The following TMCC1 variants were observed in gnomAD, a reference collection of about 807,000 sequenced individuals.
The protein encoded by TMCC1 is transmembrane and coiled-coil domains protein 1.
A neutral mutation model predicts 52.4 loss-of-function variants in TMCC1; 15 were observed. That is an observed-to-expected ratio of 0.29 (90% confidence interval 0.19 to 0.44). The LOEUF is 0.44. TMCC1 is among the 20% of genes least tolerant of loss of function. TMCC1 has a pLI of 1.00. For missense variants in TMCC1, 503 were observed against 806.0 expected, an observed-to-expected ratio of 0.62 and a Z score of 4.55; for synonymous variants, 279 against 301.9, an observed-to-expected ratio of 0.92 and a Z score of 0.79.
chr3:129,726,890 A>AAAAAAAAAAAAAAAAAAAAAC (rs2050142835), intron 4 of TMCC1, among the ~76,000 whole-genome samples: 1 of 143,306 alleles, frequency 7.0e-6, no homozygotes, highest in Non-Finnish European at 1.5e-5. Context: ...AAAAAAAAAA[A>AAAAAAAAAAAAAAAAAAAAAC]AAAAAAAAGA....
intron 4 of TMCC1, among the ~76,000 whole-genome samples, chr3:129,770,251 C>T (rs889909440): frequency 3.3e-5 from 5 of 152,182 alleles, no homozygotes; most frequent in African/African-American, 1.2e-4. Context: ...TGCAGTGGCT[C>T]ACACCTGTAA....
At chr3:129,850,138 T>C (rs150843579) in intron 2 of TMCC1, among the ~76,000 whole-genome samples, 94 of 152,286 alleles carry the variant, frequency 6.2e-4, no homozygotes, top group Non-Finnish European at 1.1e-3. Context: ...TCAATTCATG[T>C]TCTTCTACTT....
rs373722311 is a variant in TMCC1 at position 129,710,243 on chromosome 3, G to C, written c.577-38979C>G. 4.6e-5 allele frequency among the ~76,000 whole-genome samples: 7 copies of C among 152,222 alleles called. No homozygotes were observed. The East Asian group carries it at 1.4e-3, about 29-fold the overall frequency. Reference sequence around the variant, plus strand: ...AACTGTGTAAGTACTAAAAAGATCTGCTTCCAGGTTAAAGGTCTCTGCTTT... The same window carrying C: ...AACTGTGTAAGTACTAAAAAGATCTCCTTCCAGGTTAAAGGTCTCTGCTTT... On this transcript the variant is annotated intron_variant, in intron 4 of 6. Transcript: ENST00000393238.
At position 129,828,810 on chromosome 3, in the gene TMCC1, T is replaced by C. The variant is rs1288130622; in HGVS notation, c.-130-302A>G. Among the ~76,000 whole-genome samples, 1 of 152,232 alleles carries C rather than the reference T, an allele frequency of 6.6e-6. No homozygotes were observed. Among genetic ancestry groups the C allele is most frequent in the Non-Finnish European group, 1.5e-5 (1 of 68,038 alleles). On this transcript the variant is annotated intron_variant, in intron 3 of 6. Coordinates refer to ENST00000393238, the MANE Select transcript of TMCC1 (RefSeq NM_001017395.5). The surrounding 1 kb of genome is among the most constrained non-coding windows in gnomAD (Gnocchi z 4.1). ...AGAATTAGATATTAGAGGAGCCATCTTGGAATGGACACTATAATGGTAGTT... is the reference window on the plus strand; with the variant it reads ...AGAATTAGATATTAGAGGAGCCATCCTGGAATGGACACTATAATGGTAGTT...
intron 1 of TMCC1, among the ~76,000 whole-genome samples, chr3:129,884,202 C>A (rs2061589382): frequency 6.6e-6 from 1 of 151,942 alleles, no homozygotes; most frequent in Non-Finnish European, 1.5e-5. Context: ...TAGAACTATA[C>A]AAAAGAACAA....
intron 4 of TMCC1, among the ~76,000 whole-genome samples, chr3:129,766,243 T>C (rs1202920208): frequency 6.6e-6 from 1 of 152,210 alleles, no homozygotes. Flanking sequence ...TTAGTAGGCC[T>C]GAGAGAAGAC....
In TMCC1 at chr3:129,820,716, C is replaced by T. The variant is rs529822293; in HGVS notation, c.576+7087G>A. Among the ~76,000 whole-genome samples the T allele has an allele frequency of 4.6e-5, 7 of 152,268 alleles. No homozygotes were observed. The East Asian group carries it at 7.7e-4, about 17-fold the overall frequency. On this transcript the variant is annotated intron_variant, in intron 4 of 6. Transcript: ENST00000393238. ...GAAGTGGAACTTTCTTAGGACAATG[C>T]TCCAGCACTCTTATCTTACCCTTCC... is the stretch of plus-strand genomic sequence containing the variant.
intron 4 of TMCC1, among the ~76,000 whole-genome samples, chr3:129,763,785 C>CACAGCACTCCAGCCTGGGAG (rs2053852911): frequency 1.3e-5 from 2 of 151,100 alleles, no homozygotes; most frequent in African/African-American, 4.9e-5. Context: ...AAGATAGTGT[C>CACAGCACTCCAGCCTGGGAG]ACAGCACTCC....
chr3:129,679,521 G>T (rs932445083), intron 4 of TMCC1, among the ~76,000 whole-genome samples: 5 of 152,036 alleles, frequency 3.3e-5, no homozygotes, highest in African/African-American at 9.7e-5. Context: ...GGCCAGGATG[G>T]TCTTGAACTC....
intron 4 of TMCC1, among the ~76,000 whole-genome samples, chr3:129,762,369 C>T (rs1290694744): frequency 6.6e-6 from 1 of 152,000 alleles, no homozygotes; most frequent in Non-Finnish European, 1.5e-5. Flanking sequence ...TATGTGACTA[C>T]CCCAACCTCA....
chr3:129,683,202 C>T (rs2089146410), intron 4 of TMCC1, among the ~76,000 whole-genome samples: 1 of 152,266 alleles, frequency 6.6e-6, no homozygotes, highest in South Asian at 2.1e-4. Context: ...CATGCCAATC[C>T]TTTTCATGCC....
intron 4 of TMCC1, among the ~76,000 whole-genome samples, chr3:129,759,968 G>A (rs1463535674): frequency 4.6e-5 from 7 of 151,564 alleles, no homozygotes; most frequent in Non-Finnish European, 8.8e-5. Context: ...TGATCCACCC[G>A]CCTCGGCCTC....
chr3:129,751,309 C>T (rs1448467867), intron 4 of TMCC1, among the ~76,000 whole-genome samples: 2 of 152,108 alleles, frequency 1.3e-5, no homozygotes, highest in Non-Finnish European at 2.9e-5. Flanking sequence ...GCAGGAGGAC[C>T]ACCTGAGGCC....
At chr3:129,810,454 C>G (rs1358290553) in intron 4 of TMCC1, among the ~76,000 whole-genome samples, 1 of 152,204 alleles carries the variant, frequency 6.6e-6, no homozygotes, top group African/African-American at 2.4e-5. Flanking sequence ...TCCTCCTGAA[C>G]TATAATCGGA....
intron 4 of TMCC1, among the ~76,000 whole-genome samples, chr3:129,815,448 C>T (rs758630779): frequency 2.0e-5 from 3 of 152,088 alleles, no homozygotes; most frequent in Admixed American, 6.6e-5. Context: ...TAAATCAACA[C>T]ATTTATAGCC....
intron 4 of TMCC1, among the ~76,000 whole-genome samples, chr3:129,691,186 TGA>T (rs2047004716): frequency 6.6e-6 from 1 of 152,236 alleles, no homozygotes; most frequent in African/African-American, 2.4e-5. Context: ...CTCTGTTGAA[TGA>T]GATATCAAAA....
chr3:129,886,255 C>T (rs977652028), intron 1 of TMCC1, among the ~76,000 whole-genome samples: 14 of 152,118 alleles, frequency 9.2e-5, no homozygotes, highest in Non-Finnish European at 1.9e-4. Context: ...TCTATAAAGA[C>T]AACAAGAAAA....
At chr3:129,711,100 G>A (rs529150511) in intron 4 of TMCC1, among the ~76,000 whole-genome samples, 152 of 152,256 alleles carry the variant, frequency 1.0e-3, no homozygotes, top group African/African-American at 3.4e-3. Context: ...CTCACCTCAG[G>A]TGATCCGCCC....
chr3:129,691,170 T>C (rs1474771429), intron 4 of TMCC1, among the ~76,000 whole-genome samples: 6 of 152,376 alleles, frequency 3.9e-5, no homozygotes, highest in South Asian at 4.1e-4. Context: ...GTGATAGATA[T>C]CTATTCTCTG....
Sources: allele counts gnomAD v4.1 joint callset (sites outside exome capture counted in the v4.1 genomes callset), GRCh38; gene constraint gnomAD v4.1.1; non-coding constraint Gnocchi (gnomAD v3.1); transcripts MANE v1.5; gene names NCBI Gene and HGNC (gene_info 2026-07-23, HGNC 2026-07-21).